Variants in SLX4 observed in about 807,000 individuals in gnomAD.
SLX4 encodes the protein SLX4 structure-specific endonuclease subunit.
In SLX4, 112 loss-of-function variants were observed where a neutral mutation model predicts 146.2. The observed-to-expected ratio is 0.77, with a 90% CI of 0.66 to 0.90. The LOEUF is 0.90. Among genes scored for constraint, SLX4 ranks in the 40% least tolerant of loss-of-function variants. The probability of loss-of-function intolerance (pLI) is 0.00; values close to 1 mark genes in which losing one functional copy is unlikely to be tolerated. For missense variants in SLX4, 2,563 were observed against 2,392.7 expected (o/e 1.07, Z -1.49); for synonymous variants, 1,061 against 997.7 (o/e 1.06, Z -1.20).
rs764337343 is a variant in SLX4, at chr16:3,582,480, G to A, written c.5367C>T (p.Gly1789=). ...ACAGCCTGCGCGAGGACACACGGAG[G>A]CCGTTCTGCCTCAGCTCTGCCTGCA... ...RELQAELRQN[G]LRVSSRRLLD... Residue 1789 remains glycine, a synonymous_variant, in exon 15 of 15, where the codon GGC becomes GGT. Transcript: ENST00000294008. 5.0e-6 allele frequency: 8 copies of A among 1,613,926 alleles called. No individual in the cohort carries two copies. The highest frequency in any genetic ancestry group is 6.8e-6 in the Non-Finnish European group (8 of 1,180,050).
chr16:3,589,804 G>A lies in SLX4; in HGVS notation c.3834C>T (p.Leu1278=). The A allele has an allele frequency of 6.2e-7, 1 of 1,613,408 alleles. No homozygotes were observed. The highest frequency in any genetic ancestry group is 8.5e-7 in the Non-Finnish European group (1 of 1,180,018). ...DCSSQTQISS[L]RSGLAVQAVT... ...CCGCCTGCACGGCCAGCCCGCTCCT[G>A]AGGCTGCTGATTTGGGTCTGGGAAG... Residue 1278 remains leucine (L), a synonymous_variant, in exon 12 of 15, where the codon CTC becomes CTT. Transcript: ENST00000294008. The surrounding 1 kb of genome is among the most constrained non-coding windows in gnomAD (Gnocchi z 6.2).
At chr16:3,595,292 CTG>C (rs929845878) in intron 9 of SLX4, among the ~76,000 whole-genome samples, 4 of 152,238 alleles carry the variant, frequency 2.6e-5, no homozygotes, top group African/African-American at 9.6e-5. Context: ...CGCTGAGAAA[CTG>C]TGGTCCCTCT....
intron 12 of SLX4, among the ~76,000 whole-genome samples, chr16:3,587,584 TC>T (rs1156230121): frequency 6.6e-6 from 1 of 152,170 alleles, no homozygotes; most frequent in East Asian, 1.9e-4. Flanking sequence ...GCACGATTCT[TC>T]CTGTGGCCGC....
At position 3,606,534 on chromosome 16, in the gene SLX4, C is replaced by T. The variant is rs149779179; in HGVS notation, c.700G>A (p.Glu234Lys). The T allele has an allele frequency of 1.7e-5, 27 of 1,614,198 alleles. No homozygotes were observed. Among genetic ancestry groups the T allele is most frequent in the Admixed American group, 3.3e-5 (2 of 60,014 alleles). ...LRHASEECSL[E>K]AAREENVPKD... is the part of the protein sequence containing the mutation. The stretch of plus-strand genomic sequence containing the variant: ...GGGACATTTTCTTCCCGCGCAGCCT[C>T]GAGGGAGCACTCTTCTGAAGCGTGT... Residue 234 changes from glutamate (E) to lysine (K), a missense_variant, in exon 3 of 15, where the codon GAG becomes AAG. Coordinates refer to ENST00000294008, the MANE Select transcript of SLX4 (RefSeq NM_032444.4).
At chr16:3,598,931 C>G (rs2040697631) in intron 5 of SLX4, among the ~76,000 whole-genome samples, 2 of 152,202 alleles carry the variant, frequency 1.3e-5, no homozygotes, top group South Asian at 2.1e-4. Flanking sequence ...GGCATGCGTT[C>G]TGATGACCAC....
intron 3 of SLX4, among the ~76,000 whole-genome samples, chr16:3,602,524 A>G (rs2040739569): frequency 6.6e-6 from 1 of 152,120 alleles, no homozygotes. Context: ...TTTAACATGG[A>G]TATGCATTAC....
In SLX4 at chr16:3,594,541, C is replaced by T. The variant is rs1596525216; in HGVS notation, c.2072G>A (p.Ser691Asn). The T allele has an allele frequency of 3.7e-6, 6 of 1,614,156 alleles. No homozygotes were observed. The East Asian group carries it at 1.3e-4, about 36-fold the overall frequency. ...GCTGTCCGTCTGAAACTGGACATCACTCAGGTGTGGGTTATTGACCATGGC... is the reference window on the plus strand; with the variant it reads ...GCTGTCCGTCTGAAACTGGACATCATTCAGGTGTGGGTTATTGACCATGGC... ...FGAMVNNPHL[S>N]DVQFQTDSGE... is the part of the protein sequence containing the mutation. The change falls in exon 10 of 15, where the codon AGT becomes AAT. Residue 691 changes from serine to asparagine, a missense_variant. Physicochemically the swap from Ser to Asn is conservative, Grantham distance 46. Transcript: ENST00000294008.
At position 3,589,590 on chromosome 16, in the gene SLX4, C is replaced by A. The variant is rs767241703; in HGVS notation, c.4048G>T (p.Gly1350Cys). The A allele has an allele frequency of 6.2e-7, 1 of 1,613,364 alleles. No homozygotes were observed. Among genetic ancestry groups the A allele is most frequent in the South Asian group, 1.1e-5 (1 of 91,064 alleles). ...GCCAGCGGAGAGGAGTGCGGGTGGC[C>A]CCCGGGGTGGGGACGGGAAGGGCTT... ...HRSPSRPHPG[G>C]HPHSSPLAPH... The change falls in exon 12 of 15, where the codon GGC becomes TGC. Residue 1350 changes from glycine (G) to cysteine (C), a missense_variant. Gly to Cys is a radical substitution (Grantham distance 159). Coordinates refer to ENST00000294008, the MANE Select transcript of SLX4 (RefSeq NM_032444.4). This position sits in a 1 kb window ranked among gnomAD's most constrained non-coding sequence, Gnocchi z 6.2.
Position 3,582,313 on chromosome 16 carries a change from C to T in SLX4, c.*29G>A, listed in dbSNP as rs771318188. The T allele has an allele frequency of 7.6e-6, 12 of 1,586,578 alleles. No individual in the cohort carries two copies. Among genetic ancestry groups the T allele is most frequent in the Non-Finnish European group, 1.0e-5 (12 of 1,166,300 alleles). On this transcript the variant is annotated 3_prime_UTR_variant, in exon 15 of 15. Transcript: ENST00000294008. ...TGGCGGGGGTGGGGGCTGCTGATGG[C>T]AGGTTGGGGTGGGGTCGGGATGGCC...
chr16:3,601,563 A>T (rs2040727600), intron 4 of SLX4: 1 of 355,830 alleles, frequency 2.8e-6, no homozygotes, highest in Admixed American at 4.2e-5. Context: ...CCGCCAATGG[A>T]CGAAAGGATA....
Position 3,597,909 on chromosome 16 carries a change from G to C in SLX4, c.1254C>G (p.Ser418=). ...GAGCCATGGCCACCAGCAGGTCCTCGGACGGTGCCTCGTCCACCTTCCGCC... is the reference window on the plus strand; with the variant it reads ...GAGCCATGGCCACCAGCAGGTCCTCCGACGGTGCCTCGTCCACCTTCCGCC... The part of the protein sequence containing the change: ...RKRRKVDEAP[S]EDLLVAMALS... The change falls in exon 6 of 15, where the codon TCC becomes TCG. Residue 418 remains serine, a synonymous_variant. Transcript: ENST00000294008. The surrounding 1 kb of genome is among the most constrained non-coding windows in gnomAD (Gnocchi z 4.4). 3 of 1,614,104 alleles carry C rather than the reference G, an allele frequency of 1.9e-6. No individual in the cohort carries two copies. Among genetic ancestry groups the C allele is most frequent in the Non-Finnish European group, 1.7e-6 (2 of 1,180,022 alleles).
At chr16:3,601,644 C>T (rs2040728524) in intron 4 of SLX4, 1 of 305,810 alleles carries the variant, frequency 3.3e-6, no homozygotes, top group Non-Finnish European at 6.3e-6. Flanking sequence ...TACTGCTCAG[C>T]CATAAAAAGG....
At chr16:3,583,019 TCTCA>T (rs887314293) in intron 14 of SLX4, 74 bp downstream of exon 14, 1 of 1,548,880 alleles carries the variant, frequency 6.5e-7, no homozygotes, top group African/African-American at 1.4e-5. Context: ...GGCCATTAGG[TCTCA>T]CTCGTGCCAA....
rs1008752654 is a variant in SLX4, at chr16:3,590,501, C to T, written c.3137G>A (p.Arg1046His). 1.1e-5 allele frequency: 18 copies of T among 1,613,640 alleles called. No homozygotes were observed. Among genetic ancestry groups the T allele is most frequent in the African/African-American group, 2.7e-5 (2 of 74,914 alleles). Residue 1046 changes from arginine (R) to histidine (H), a missense_variant, in exon 12 of 15, where the codon CGC becomes CAC. Physicochemically the swap from Arg to His is conservative, Grantham distance 29. Coordinates refer to ENST00000294008, the MANE Select transcript of SLX4 (RefSeq NM_032444.4). The surrounding 1 kb of genome is among the most constrained non-coding windows in gnomAD (Gnocchi z 4.8). ...CGACCCACTTGTGTGATGAGACCCG[C>T]GGGGACTCCCGCCCTGGGGAGGCCC... ...LLGPPQGGSP[R>H]GSHHTSGSSL...
rs768845750 is a variant in SLX4, at chr16:3,606,560, C to G, written c.674G>C (p.Arg225Thr). The G allele has an allele frequency of 2.5e-6, 4 of 1,614,186 alleles. No homozygotes were observed. The highest frequency in any genetic ancestry group is 3.4e-6 in the Non-Finnish European group (4 of 1,180,032). ...QFKRADPERL[R>T]HASEECSLEA... Reference sequence around the variant, plus strand: ...GAGGGAGCACTCTTCTGAAGCGTGTCTCAAACGCTCGGGGTCTGCTCTCTT... The same window carrying G: ...GAGGGAGCACTCTTCTGAAGCGTGTGTCAAACGCTCGGGGTCTGCTCTCTT... The change falls in exon 3 of 15, where the codon AGA becomes ACA. Residue 225 changes from arginine (R) to threonine (T), a missense_variant. Arg to Thr is a moderately conservative substitution (Grantham distance 71, BLOSUM62 -1). Coordinates refer to ENST00000294008, the MANE Select transcript of SLX4 (RefSeq NM_032444.4).
intron 8 of SLX4, 134 bp from the exon 9 acceptor site, chr16:3,595,827 A>C: frequency 9.4e-7 from 1 of 1,061,164 alleles, no homozygotes; most frequent in Non-Finnish European, 1.4e-6. Context: ...GGACACCTTC[A>C]TGCAAAGCAA....
chr16:3,591,242 G>T lies in SLX4; in HGVS notation c.2396C>A (p.Pro799Gln). Residue 799 changes from proline to glutamine, a missense_variant, in exon 12 of 15, where the codon CCA (proline) becomes CAA (glutamine). Coordinates refer to ENST00000294008, the MANE Select transcript of SLX4 (RefSeq NM_032444.4). Reference sequence around the variant, plus strand: ...ATTCTCTGCTTCCTTCTCCTCCCATGGTTTGCCCTCTGAGTCAGTGGCAAT... The same window carrying T: ...ATTCTCTGCTTCCTTCTCCTCCCATTGTTTGCCCTCTGAGTCAGTGGCAAT... ...VPIATDSEGK[P>Q]WEEKEAENCE... is the part of the protein sequence containing the mutation. The T allele has an allele frequency of 6.2e-7, 1 of 1,613,388 alleles. No individual in the cohort carries two copies.
chr16:3,594,509 C>T lies in SLX4; in HGVS notation c.2104G>A (p.Val702Met). The change falls in exon 10 of 15, where the codon GTG becomes ATG. Residue 702 changes from valine (V) to methionine (M), a missense_variant. By Grantham distance (21) the Val-to-Met change is conservative. Transcript: ENST00000294008. ...DVQFQTDSGE[V>M]LYAHKFVLYA... is the part of the protein sequence containing the mutation. ...AGCACGAACTTGTGGGCGTAAAGCA[C>T]CTCCCCGCTGTCCGTCTGAAACTGG... is the stretch of plus-strand genomic sequence containing the variant. The T allele has an allele frequency of 6.2e-7, 1 of 1,614,088 alleles. No individual in the cohort carries two copies. Among genetic ancestry groups the T allele is most frequent in the Non-Finnish European group, 8.5e-7 (1 of 1,180,006 alleles).
intron 3 of SLX4, among the ~76,000 whole-genome samples, chr16:3,604,469 G>T (rs147351396): frequency 4.3e-4 from 65 of 152,248 alleles, no homozygotes; most frequent in African/African-American, 1.2e-3. Context: ...TTATGCAGCA[G>T]AATCTAGGGG....
Sources: allele counts gnomAD v4.1 joint callset (sites outside exome capture counted in the v4.1 genomes callset), GRCh38; gene constraint gnomAD v4.1.1; non-coding constraint Gnocchi (gnomAD v3.1); transcripts MANE v1.5; gene names NCBI Gene and HGNC (gene_info 2026-07-23, HGNC 2026-07-21).